RIMS2: variants seen among roughly 807,000 people sequenced by gnomAD.
The protein encoded by RIMS2 is regulating synaptic membrane exocytosis 2, also known as regulating synaptic membrane exocytosis protein 2.
RIMS2 carries 59 observed loss-of-function variants against 174.4 expected under a neutral mutation model. That is an observed-to-expected ratio of 0.34 (90% CI 0.27 to 0.42). The LOEUF is 0.42. RIMS2 is among the 10% of genes least tolerant of loss of function. The pLI is 1.00. For synonymous variants in RIMS2, 606 were observed against 572.5 expected (o/e 1.06, Z -0.84); for missense variants, 1,620 against 1,666.3 (o/e 0.97, Z 0.48).
At chr8:103,714,658 T>A (rs1479236644) in intron 2 of RIMS2, among the ~76,000 whole-genome samples, 1 of 152,130 alleles carries the variant, frequency 6.6e-6, no homozygotes, top group Non-Finnish European at 1.5e-5. Context: ...GATGATTTTG[T>A]CATATATAGT....
rs189128013 is a variant in RIMS2 at position 103,813,028 on chromosome 8, A to G, written c.698+46491A>G. On this transcript the variant is annotated intron_variant, in intron 3 of 23. Transcript: ENST00000504942. The stretch of plus-strand genomic sequence containing the variant: ...GATATAAATTTTAAGAAAAGGAAGA[A>G]TTCCTTTAGCATTTCAGGGATTTTT... 1.2e-4 allele frequency among the ~76,000 whole-genome samples: 19 copies of G among 152,316 alleles called. No individual in the cohort carries two copies. In the East Asian group the frequency reaches 3.5e-3, roughly 28 times the overall value.
chr8:104,126,881 A>C (rs2098436367), intron 19 of RIMS2, among the ~76,000 whole-genome samples: 1 of 152,158 alleles, frequency 6.6e-6, no homozygotes, highest in Non-Finnish European at 1.5e-5. Context: ...GATAGAAAAA[A>C]TCCCTGCAAA....
chr8:103,966,240 G>A (rs2091794044), intron 15 of RIMS2, among the ~76,000 whole-genome samples: 1 of 152,180 alleles, frequency 6.6e-6, no homozygotes, highest in Middle Eastern at 3.4e-3. Flanking sequence ...ATTTACCAGT[G>A]AATCGATCTA....
intron 19 of RIMS2, among the ~76,000 whole-genome samples, chr8:104,231,929 T>C (rs2099231844): frequency 6.6e-6 from 1 of 152,214 alleles, no homozygotes; most frequent in Non-Finnish European, 1.5e-5. Context: ...GTGATTACCT[T>C]ATCATGCAGT....
chr8:104,001,617 A>G (rs995870525), intron 17 of RIMS2, among the ~76,000 whole-genome samples: 1 of 150,134 alleles, frequency 6.7e-6, no homozygotes, highest in Non-Finnish European at 1.5e-5. Context: ...TCTTTTTTTT[A>G]TCTTTTTTAA....
At chr8:103,787,213 G>C (rs1409389563) in intron 3 of RIMS2, among the ~76,000 whole-genome samples, 1 of 149,892 alleles carries the variant, frequency 6.7e-6, no homozygotes, top group Admixed American at 6.6e-5. Flanking sequence ...GATGGGTCTT[G>C]ACTCTTTATC....
intron 19 of RIMS2, among the ~76,000 whole-genome samples, chr8:104,176,121 A>G (rs150145018): frequency 6.6e-6 from 1 of 152,142 alleles, no homozygotes; most frequent in East Asian, 1.9e-4. Flanking sequence ...TCACAGTTTT[A>G]TATCTGTAAT....
intron 1 of RIMS2, among the ~76,000 whole-genome samples, chr8:103,674,735 GC>G (rs1221989264): frequency 2.6e-5 from 4 of 151,886 alleles, no homozygotes; most frequent in Non-Finnish European, 5.9e-5. Flanking sequence ...TGAAAACCTA[GC>G]ATAAGTAATT....
intron 1 of RIMS2, among the ~76,000 whole-genome samples, chr8:103,662,151 T>C (rs76529218): frequency 0.011 from 1,668 of 152,336 alleles, 45 homozygotes; most frequent in African/African-American, 0.038. Context: ...CAGATTTTTC[T>C]TGGGCTGTAT....
At chr8:104,011,828 G>A (rs1257519359) in intron 17 of RIMS2, among the ~76,000 whole-genome samples, 2 of 151,806 alleles carry the variant, frequency 1.3e-5, no homozygotes, top group African/African-American at 4.8e-5. Flanking sequence ...TTAAAAATAG[G>A]CTTTAAGCAA....
intron 19 of RIMS2, among the ~76,000 whole-genome samples, chr8:104,239,565 A>G (rs535009913): frequency 2.0e-5 from 3 of 152,284 alleles, no homozygotes; most frequent in South Asian, 4.1e-4. Flanking sequence ...GTGTATGTTT[A>G]TATGTATGTG....
intron 19 of RIMS2, among the ~76,000 whole-genome samples, chr8:104,221,428 A>G (rs536529527): frequency 4.9e-4 from 75 of 152,208 alleles, no homozygotes; most frequent in Non-Finnish European, 8.8e-4. Flanking sequence ...GACTTTTAAT[A>G]AAGTCCTTGC....
chr8:104,088,654 A>G (rs2097578955), intron 19 of RIMS2, among the ~76,000 whole-genome samples: 1 of 152,062 alleles, frequency 6.6e-6, no homozygotes. Flanking sequence ...GTGATATTTA[A>G]GGAAGTTCAT....
rs2098211393 is a variant in RIMS2, at chr8:103,768,714, C to T, written c.698+2177C>T. On this transcript the variant is annotated intron_variant, in intron 3 of 23. Transcript: ENST00000504942. ...GAGCTAGCAGAATCCACAAACTTTT[C>T]AATCTCTCTAAAGAAGATGATGTCC... 5 of 768,592 alleles carry T rather than the reference C, an allele frequency of 6.5e-6. No homozygotes were observed. In the Admixed American group the frequency reaches 8.5e-5, roughly 13 times the overall value. The allele number at this position is 768,592 out of a possible 1,614,324, so 47.6% of individuals were successfully genotyped here. A position where few individuals can be genotyped will look rare whatever the true frequency, so the allele number is the denominator to read the frequency against.
At chr8:104,139,158 G>A (rs967939499) in intron 19 of RIMS2, among the ~76,000 whole-genome samples, 3 of 151,982 alleles carry the variant, frequency 2.0e-5, no homozygotes. Flanking sequence ...ATGCTGTTTT[G>A]GTTAATATAG....
intron 15 of RIMS2, among the ~76,000 whole-genome samples, chr8:103,961,656 A>G (rs756913809): frequency 6.6e-6 from 1 of 152,162 alleles, no homozygotes; most frequent in African/African-American, 2.4e-5. Context: ...TTAGGTAAGT[A>G]TATATCTTTT....
At chr8:104,143,123 C>A (rs534016068) in intron 19 of RIMS2, among the ~76,000 whole-genome samples, 1 of 152,258 alleles carries the variant, frequency 6.6e-6, no homozygotes, top group East Asian at 1.9e-4. Flanking sequence ...TATTTGCCAG[C>A]AAATTAATCA....
At chr8:104,236,610 A>C (rs1202520640) in intron 19 of RIMS2, among the ~76,000 whole-genome samples, 1 of 152,032 alleles carries the variant, frequency 6.6e-6, no homozygotes, top group Non-Finnish European at 1.5e-5. Flanking sequence ...AAGTATTTTC[A>C]ATTTATATAG....
chr8:103,538,599 C>G (rs2131169420), intron 1 of RIMS2, among the ~76,000 whole-genome samples: 1 of 152,194 alleles, frequency 6.6e-6, no homozygotes, highest in East Asian at 1.9e-4. Flanking sequence ...TCAGTGCAAG[C>G]TCCGCCTCCT....
Sources: allele counts gnomAD v4.1 joint callset (sites outside exome capture counted in the v4.1 genomes callset), GRCh38; gene constraint gnomAD v4.1.1; transcripts MANE v1.5; gene names NCBI Gene and HGNC (gene_info 2026-07-23, HGNC 2026-07-21).